Variants in TAF15 observed in about 807,000 individuals in gnomAD.
TAF15 encodes TATA-box binding protein associated factor 15, also known as TATA-binding protein-associated factor 2N.
In TAF15, 37 loss-of-function variants were observed where a neutral mutation model predicts 102.5. That is an observed-to-expected ratio of 0.36 (90% CI 0.28 to 0.47). The LOEUF (loss-of-function observed/expected upper bound fraction) is 0.47. TAF15 is among the 20% of genes least tolerant of loss of function. The pLI is 0.99. For synonymous variants in TAF15, 273 were observed against 259.2 expected (o/e 1.05, Z -0.51); for missense variants, 652 against 760.7 (o/e 0.86, Z 1.68).
chr17:35,839,129 A>T (rs1276607684), intron 11 of TAF15, among the ~76,000 whole-genome samples: 2 of 143,004 alleles, frequency 1.4e-5, no homozygotes, highest in East Asian at 2.0e-4. Flanking sequence ...TTTTTTTTTT[A>T]AATAACCTGG....
In TAF15 at chr17:35,836,383, G is replaced by C. The variant is rs3760327; in HGVS notation, c.783+142G>C. 143,491 of 638,662 alleles carry C rather than the reference G, an allele frequency of 0.22. 18,517 individuals carry two copies. The highest frequency in any genetic ancestry group is 0.44 in the African/African-American group (24,096 of 54,690). The allele number at this position is 638,662 out of a possible 1,614,324, so 39.6% of individuals were successfully genotyped here. On this transcript the variant is annotated intron_variant, in intron 10 of 15. Coordinates refer to ENST00000605844, the MANE Select transcript of TAF15 (RefSeq NM_139215.3). ...CACATGCTCGTTTATGTCTGTAGAC[G>C]TTTGCTAAATTTGTTGAATATATGA...
chr17:35,809,644 G>T (rs774560456), intron 1 of TAF15, 68 bp downstream of exon 1: 2 of 1,607,602 alleles, frequency 1.2e-6, no homozygotes, highest in Non-Finnish European at 1.7e-6. Flanking sequence ...CTGTCTTCCC[G>T]CCCACCGGAG....
intron 7 of TAF15, among the ~76,000 whole-genome samples, chr17:35,827,720 AG>A (rs1434363186): frequency 6.6e-6 from 1 of 152,066 alleles, no homozygotes; most frequent in East Asian, 1.9e-4. Flanking sequence ...AAAAAAAAGA[AG>A]GGGCATAATT....
At chr17:35,842,534 G>T (rs984687066) in intron 12 of TAF15, 75 bp downstream of exon 12, 4 of 1,185,954 alleles carry the variant, frequency 3.4e-6, no homozygotes, top group Non-Finnish European at 3.7e-6. Flanking sequence ...GTTTCTATTT[G>T]TGTGAACTTG....
chr17:35,845,667 G>A (rs556851177), intron 15 of TAF15, among the ~76,000 whole-genome samples: 27 of 152,138 alleles, frequency 1.8e-4, no homozygotes, highest in Admixed American at 6.6e-4. Context: ...CCGCCACCAC[G>A]CCCGGCTAAT....
At chr17:35,837,840 G>T (rs906717966) in intron 10 of TAF15, among the ~76,000 whole-genome samples, 1 of 151,926 alleles carries the variant, frequency 6.6e-6, no homozygotes, top group African/African-American at 2.4e-5. Flanking sequence ...AAAAAGTTAC[G>T]TATTTACATG....
At chr17:35,838,382 A>T in intron 10 of TAF15, 42 bp from the exon 11 acceptor site, 1 of 1,612,066 alleles carries the variant, frequency 6.2e-7, no homozygotes, top group South Asian at 1.1e-5. Flanking sequence ...ATGATTACTT[A>T]TTTTAAAAAT....
In TAF15 at chr17:35,844,119, G is replaced by A. The variant is rs368895737; in HGVS notation, c.1049G>A (p.Gly350Asp). 1.2e-5 allele frequency: 20 copies of A among 1,614,090 alleles called. No homozygotes were observed. Among genetic ancestry groups the A allele is most frequent in the Non-Finnish European group, 1.7e-5 (20 of 1,180,050 alleles). ...YRGRGGFQGR[G>D]GDPKSGDWVC... ...GGTCGTGGAGGCTTTCAAGGGAGAG[G>A]TGGAGACCCCAAAAGTGGGGATTGG... Residue 350 changes from glycine to aspartate, a missense_variant, in exon 13 of 16, where the codon GGT becomes GAT. Physicochemically the swap from Gly to Asp is moderately conservative, Grantham distance 94. Around this residue, in one of 3 missense-constraint regions of TAF15, gnomAD observed 368 missense variants for 367.5 expected, o/e 1.00. Transcript: ENST00000605844.
Position 35,844,199 on chromosome 17 carries a change from T to C in TAF15, c.1088+41T>C, listed in dbSNP as rs140149508. 5.0e-6 allele frequency: 8 copies of C among 1,611,734 alleles called. No individual in the cohort carries two copies. In the African/African-American group the frequency reaches 6.7e-5, roughly 13 times the overall value. ...ACTTTGGTGAGAGTAGGGGTTGGGA[T>C]TGGGGCTGTGGAGGATACAGAAAGG... On this transcript the variant is annotated intron_variant, in intron 13 of 15. Coordinates refer to ENST00000605844, the MANE Select transcript of TAF15 (RefSeq NM_139215.3).
In TAF15 at chr17:35,846,861, G is replaced by T. The variant is rs757633952; in HGVS notation, c.1740-45G>T. ...AAGAAGTGTCTAATGCTCCCCCTTC[G>T]TAGAAAATTAGAATTTAGTCCGGCT... On this transcript the variant is annotated intron_variant, in intron 15 of 15. Transcript: ENST00000605844. 6 of 1,611,516 alleles carry T rather than the reference G, an allele frequency of 3.7e-6. No individual in the cohort carries two copies. In the South Asian group the frequency reaches 6.6e-5, roughly 18 times the overall value.
intron 15 of TAF15, 29 bp from the exon 16 acceptor site, chr17:35,846,877 T>C: frequency 6.2e-7 from 1 of 1,614,016 alleles, no homozygotes; most frequent in South Asian, 1.1e-5. Flanking sequence ...AATTAGAATT[T>C]AGTCCGGCTC....
chr17:35,834,546 T>C lies in TAF15; in HGVS notation c.641-20T>C, dbSNP rs2087447065. The C allele has an allele frequency of 6.2e-7, 1 of 1,612,188 alleles. No individual in the cohort carries two copies. The highest frequency in any genetic ancestry group is 1.7e-5 in the Admixed American group (1 of 59,946). ...AATAAATTGCCTTAAATAGCTCTTT[T>C]TTCTTTTCTTTTCCCTTAGGTCACA... On this transcript the variant is annotated intron_variant, in intron 8 of 15. Transcript: ENST00000605844.
Position 35,836,331 on chromosome 17 carries a change from C to T in TAF15, c.783+90C>T, listed in dbSNP as rs572456095. On this transcript the variant is annotated intron_variant, in intron 10 of 15. Transcript: ENST00000605844. Reference sequence around the variant, plus strand: ...TGTAGTAAGCCTACATACTTCAGTACGCCTTGTCTCTTAAAATTTTGTGAT... The same window carrying T: ...TGTAGTAAGCCTACATACTTCAGTATGCCTTGTCTCTTAAAATTTTGTGAT... 47 of 913,682 alleles carry T rather than the reference C, an allele frequency of 5.1e-5. No individual in the cohort carries two copies. The African/African-American group carries it at 6.0e-4, about 12-fold the overall frequency. The allele number at this position is 913,682 out of a possible 1,614,324, so 56.6% of individuals were successfully genotyped here.
chr17:35,830,817 A>G (rs567464995), intron 7 of TAF15, among the ~76,000 whole-genome samples: 28 of 152,298 alleles, frequency 1.8e-4, no homozygotes, highest in Non-Finnish European at 3.2e-4. Flanking sequence ...CAGTAGGTCT[A>G]GGGTGGGGCC....
At chr17:35,832,035 G>A (rs532448560) in intron 7 of TAF15, among the ~76,000 whole-genome samples, 9 of 152,190 alleles carry the variant, frequency 5.9e-5, no homozygotes, top group African/African-American at 2.2e-4. Flanking sequence ...CCAAGATTGC[G>A]CCACTGCACT....
intron 7 of TAF15, 173 bp downstream of exon 7, chr17:35,824,371 C>T (rs2087300599): frequency 3.5e-6 from 3 of 867,280 alleles, no homozygotes; most frequent in Non-Finnish European, 5.1e-6. Flanking sequence ...GTCTTAATAT[C>T]TCACATAAAT....
chr17:35,836,162 C>CA lies in TAF15; in HGVS notation c.706dup (p.Ile236AsnfsTer20). 6.2e-7 allele frequency: 1 copy of CA among 1,613,626 alleles called. No individual in the cohort carries two copies. The highest frequency in any genetic ancestry group is 8.5e-7 in the Non-Finnish European group (1 of 1,179,718). On this transcript the variant is annotated frameshift_variant, in exon 10 of 16. Coordinates refer to ENST00000605844, the MANE Select transcript of TAF15 (RefSeq NM_139215.3). LOFTEE classifies it high-confidence loss of function. ...GAATCTGATAATTCAGATAACAACACAATCTTTGTGCAAGGACTTGGGGAG... is the reference window on the plus strand; with the variant it reads ...GAATCTGATAATTCAGATAACAACACAAATCTTTGTGCAAGGACTTGGGGAG...
Position 35,838,488 on chromosome 17 carries a change from AG to A in TAF15, c.853del (p.Glu285ArgfsTer41), listed in dbSNP as rs1568274282. 6.2e-7 allele frequency: 1 copy of A among 1,614,238 alleles called. No homozygotes were observed. Among genetic ancestry groups the A allele is most frequent in the Non-Finnish European group, 8.5e-7 (1 of 1,180,042 alleles). On this transcript the variant is annotated frameshift_variant, in exon 11 of 16. Transcript: ENST00000605844. LOFTEE classifies it high-confidence loss of function. ...ACAGACAAGGACACAGGAAAGCCAA[AG>A]GGGGAGGCAACAGTGTCATTTGATG... is the stretch of plus-strand genomic sequence containing the variant. Reference protein sequence around the residue: ...LYTDKDTGKPKGEATVSFDDP... With the variant: ...LYTDKDTGKPXGEATVSFDDP...
Position 35,822,853 on chromosome 17 carries a change from A to G in TAF15, c.484+20A>G, listed in dbSNP as rs1300545087. 6.2e-7 allele frequency: 1 copy of G among 1,612,382 alleles called. No homozygotes were observed. The highest frequency in any genetic ancestry group is 1.3e-5 in the African/African-American group (1 of 75,022). ...CACAAGGTAAGATTTACTGACCTCT[A>G]TTATTATTTTTCCCCCTCTCAGAAT... is the stretch of plus-strand genomic sequence containing the variant. On this transcript the variant is annotated intron_variant, in intron 6 of 15. Transcript: ENST00000605844.
Sources: allele counts gnomAD v4.1 joint callset (sites outside exome capture counted in the v4.1 genomes callset), GRCh38; gene constraint gnomAD v4.1.1; regional missense constraint gnomAD v4.1.1; transcripts MANE v1.5; gene names NCBI Gene and HGNC (gene_info 2026-07-23, HGNC 2026-07-21).